The following CDK19 variants were observed in gnomAD, a reference collection of about 807,000 sequenced individuals.
The protein encoded by CDK19 is cyclin dependent kinase 19, also known as cyclin-dependent kinase 19.
Under a neutral mutation model 68.3 loss-of-function variants are expected in CDK19, and 20 were observed. The observed-to-expected ratio is 0.29, with a 90% CI of 0.21 to 0.43. The LOEUF is 0.43. Ranked by LOEUF, CDK19 falls within the 20% of genes least tolerant of loss-of-function variation. The pLI is 1.00. For synonymous variants in CDK19, 221 were observed against 222.8 expected, an observed-to-expected ratio of 0.99 and a Z score of 0.07; for missense variants, 339 against 623.5, an observed-to-expected ratio of 0.54 and a Z score of 4.86.
intron 12 of CDK19, among the ~76,000 whole-genome samples, chr6:110,617,220 C>A (rs1032106584): frequency 2.0e-5 from 3 of 152,150 alleles, no homozygotes; most frequent in African/African-American, 4.8e-5. Context: ...AAAAATATTA[C>A]TCTAACTTCC....
rs558146531 is a variant in CDK19 at position 110,809,305 on chromosome 6, A to C, written c.128+5704T>G. 5.3e-5 allele frequency among the ~76,000 whole-genome samples: 8 copies of C among 152,238 alleles called. No homozygotes were observed. The South Asian group carries it at 1.7e-3, about 32-fold the overall frequency. The stretch of plus-strand genomic sequence containing the variant: ...TGAAGCAGAAGGATCACTGGAGCCC[A>C]GGAGTTCGAGACCAGCCTGGGCAAC... On this transcript the variant is annotated intron_variant, in intron 1 of 12. Coordinates refer to ENST00000368911, the MANE Select transcript of CDK19 (RefSeq NM_015076.5).
intron 2 of CDK19, among the ~76,000 whole-genome samples, chr6:110,731,720 T>C (rs1312939518): frequency 1.3e-5 from 2 of 152,206 alleles, no homozygotes; most frequent in African/African-American, 4.8e-5. Flanking sequence ...AAATTAAATA[T>C]GGAGACTTAT....
At chr6:110,741,801 C>G (rs1274592000) in intron 2 of CDK19, among the ~76,000 whole-genome samples, 2 of 152,108 alleles carry the variant, frequency 1.3e-5, no homozygotes, top group Non-Finnish European at 2.9e-5. Context: ...AATTCTACAT[C>G]CAACAACACT....
At chr6:110,691,710 T>C (rs1297210129) in intron 2 of CDK19, among the ~76,000 whole-genome samples, 2 of 151,208 alleles carry the variant, frequency 1.3e-5, no homozygotes, top group Non-Finnish European at 2.9e-5. Context: ...TACAATGGCA[T>C]GATCTTGGCT....
intron 2 of CDK19, among the ~76,000 whole-genome samples, chr6:110,697,742 T>A (rs965337946): frequency 1.3e-5 from 2 of 151,914 alleles, no homozygotes; most frequent in South Asian, 2.1e-4. Context: ...GCTGGAGGCA[T>A]CACATTACCC....
At chr6:110,795,593 A>G (rs1048674475) in intron 1 of CDK19, among the ~76,000 whole-genome samples, 4 of 152,372 alleles carry the variant, frequency 2.6e-5, no homozygotes, top group East Asian at 1.9e-4. Context: ...ATATGAAAAA[A>G]TTAGGTTATA....
rs1778750072 is a variant in CDK19, at chr6:110,622,000, A to G, written c.1110+88T>C. On this transcript the variant is annotated intron_variant, in intron 11 of 12. Coordinates refer to ENST00000368911, the MANE Select transcript of CDK19 (RefSeq NM_015076.5). The surrounding 1 kb of genome is among the most constrained non-coding windows in gnomAD (Gnocchi z 5.4). ...TAATTAAATATTAGAAAAGGTGGTT[A>G]AATGTATAGGAATTATGGAACGATA... The G allele has an allele frequency of 4.5e-6, 3 of 666,894 alleles. No homozygotes were observed. The East Asian group carries it at 8.3e-5, about 19-fold the overall frequency. 41.3% of individuals were successfully genotyped at this position (666,894 alleles called of 1,614,324 possible).
intron 1 of CDK19, among the ~76,000 whole-genome samples, chr6:110,765,066 T>C (rs1473200367): frequency 1.3e-5 from 2 of 151,904 alleles, no homozygotes; most frequent in South Asian, 2.1e-4. Context: ...TTTTTTTAAT[T>C]TGGGAAGTGG....
intron 1 of CDK19, among the ~76,000 whole-genome samples, chr6:110,751,832 C>T (rs1019752330): frequency 1.3e-5 from 2 of 150,912 alleles, no homozygotes; most frequent in African/African-American, 4.9e-5. Flanking sequence ...ATTCTTCAAA[C>T]TATGTGATGT....
intron 4 of CDK19, chr6:110,646,339 T>C (rs1447938891): frequency 1.4e-6 from 2 of 1,469,296 alleles, no homozygotes; most frequent in East Asian, 2.5e-5. Flanking sequence ...CACGACGGCA[T>C]GCACTTCGAG....
chr6:110,809,926 G>A (rs1013325547), intron 1 of CDK19, among the ~76,000 whole-genome samples: 2 of 152,180 alleles, frequency 1.3e-5, no homozygotes, highest in East Asian at 3.9e-4. Context: ...AGTACACCGA[G>A]TGATTAAGAG....
chr6:110,653,946 C>T (rs1177152783), intron 4 of CDK19, among the ~76,000 whole-genome samples: 2 of 152,126 alleles, frequency 1.3e-5, no homozygotes, highest in African/African-American at 4.8e-5. Context: ...CACCCCAAGA[C>T]ATTTGGGACA....
chr6:110,765,610 G>C (rs1779528836), intron 1 of CDK19, among the ~76,000 whole-genome samples: 1 of 151,244 alleles, frequency 6.6e-6, no homozygotes. Flanking sequence ...GAACCCGGGA[G>C]GCGGAGGCTG....
chr6:110,637,370 T>TAA (rs1436986517), intron 5 of CDK19, among the ~76,000 whole-genome samples: 1 of 152,184 alleles, frequency 6.6e-6, no homozygotes, highest in Admixed American at 6.5e-5. Flanking sequence ...ACCAGCTACT[T>TAA]AATTAACATC....
intron 2 of CDK19, among the ~76,000 whole-genome samples, chr6:110,681,104 G>A (rs1010806101): frequency 2.0e-5 from 3 of 152,160 alleles, no homozygotes; most frequent in East Asian, 1.9e-4. Context: ...CTGGGAGGCC[G>A]AAGCAGGCAG....
At chr6:110,743,815 A>C (rs538014531) in intron 2 of CDK19, among the ~76,000 whole-genome samples, 1 of 152,210 alleles carries the variant, frequency 6.6e-6, no homozygotes, top group South Asian at 2.1e-4. Context: ...CAATACCTAA[A>C]ATTTCAGCTA....
At chr6:110,717,871 T>G (rs1161734723) in intron 2 of CDK19, among the ~76,000 whole-genome samples, 1 of 152,154 alleles carries the variant, frequency 6.6e-6, no homozygotes, top group South Asian at 2.1e-4. Context: ...CCAGCTAATT[T>G]TGCATTTTTA....
intron 2 of CDK19, among the ~76,000 whole-genome samples, chr6:110,684,995 A>C (rs2114540045): frequency 6.6e-6 from 1 of 152,206 alleles, no homozygotes. Flanking sequence ...AAAAATTACC[A>C]GGCATGGTGG....
At chr6:110,685,913 C>T (rs940371880) in intron 2 of CDK19, among the ~76,000 whole-genome samples, 9 of 152,158 alleles carry the variant, frequency 5.9e-5, no homozygotes, top group Non-Finnish European at 8.8e-5. Context: ...TCATAATTGG[C>T]GTATGTATGG....
Sources: gnomAD v4.1 joint callset for allele counts (sites outside exome capture counted in the v4.1 genomes callset) on GRCh38, gnomAD v4.1.1 for gene constraint, Gnocchi (gnomAD v3.1) non-coding constraint, MANE v1.5 for transcripts, NCBI Gene and HGNC (gene_info 2026-07-23, HGNC 2026-07-21) for gene names.